ZNF560: variants seen among roughly 807,000 people sequenced by gnomAD.
ZNF560 encodes zinc finger protein 560.
A neutral mutation model predicts 81.8 loss-of-function variants in ZNF560; 54 were observed. The ratio of observed to expected loss-of-function variants is 0.66; its 90% CI spans 0.53 to 0.83. The LOEUF (loss-of-function observed/expected upper bound fraction) is 0.83, where lower values mean the gene tolerates loss of function less well. Ranked by LOEUF, ZNF560 falls within the 40% of genes least tolerant of loss-of-function variation. The probability of loss-of-function intolerance (pLI) is 0.00; values close to 1 mark genes in which losing one functional copy is unlikely to be tolerated. For missense variants in ZNF560, 940 were observed against 932.4 expected, an observed-to-expected ratio of 1.01 and a Z score of -0.11; for synonymous variants, 321 against 317.9, an observed-to-expected ratio of 1.01 and a Z score of -0.10.
the ZNF560 span, among the ~76,000 whole-genome samples, chr19:9,456,638 C>T: frequency 5.9e-5 from 9 of 152,128 alleles, no homozygotes; most frequent in East Asian, 1.9e-4. Flanking sequence ...CATCACTGGC[C>T]GTCTGCATGG....
intron 2 of ZNF560, among the ~76,000 whole-genome samples, chr19:9,479,144 G>A (rs1398756148): frequency 1.3e-5 from 2 of 151,246 alleles, no homozygotes; most frequent in Non-Finnish European, 2.9e-5. Context: ...CCAAGATCAT[G>A]CCACTATACT....
chr19:9,471,415 T>TA lies in ZNF560; in HGVS notation c.239-38_239-37insT, dbSNP rs559659192. ...ACATAAACTGAGGTTTTTTTTTTTT[T>TA]TAAAAAAAAAGGTAAAATGAAAGAG... On this transcript the variant is annotated intron_variant, in intron 5 of 9. Coordinates refer to ENST00000301480, the MANE Select transcript of ZNF560 (RefSeq NM_152476.3). 9,396 of 1,251,278 alleles carry TA rather than the reference T, an allele frequency of 7.5e-3. 21 individuals carry two copies. The highest frequency in any genetic ancestry group is 8.5e-3 in the Non-Finnish European group (7,813 of 923,484). The allele number at this position is 1,251,278 out of a possible 1,614,324, so 77.5% of individuals were successfully genotyped here.
the ZNF560 span, among the ~76,000 whole-genome samples, chr19:9,451,611 A>T: frequency 3.9e-5 from 6 of 152,236 alleles, no homozygotes; most frequent in Non-Finnish European, 7.3e-5. Context: ...ACAAAAATTG[A>T]TAAGTAGGAC....
At chr19:9,486,601 G>A (rs956884136) in intron 2 of ZNF560, among the ~76,000 whole-genome samples, 30 of 152,114 alleles carry the variant, frequency 2.0e-4, no homozygotes, top group African/African-American at 6.5e-4. Flanking sequence ...TGAGCCAAGC[G>A]TGGTGGCAGG....
At chr19:9,446,365 T>TACACACACACAC in the ZNF560 span, among the ~76,000 whole-genome samples, 927 of 145,220 alleles carry the variant, frequency 6.4e-3, 8 homozygotes, top group Admixed American at 0.018. Context: ...TGCCAAGTCA[T>TACACACACACAC]ACACACACAC....
rs139159517 is a variant in ZNF560 at position 9,468,089 on chromosome 19, A to G, written c.858T>C (p.Cys286=). 48 of 1,614,054 alleles carry G rather than the reference A, an allele frequency of 3.0e-5. No individual in the cohort carries two copies. In the African/African-American group the frequency reaches 6.0e-4, roughly 20 times the overall value. The part of the protein sequence containing the change: ...LILNVQVQRK[C]TQDKSFEGTD... ...TGCCTTCAAAGGATTTATCTTGTGT[A>G]CACTTTCTCTGGACCTGAACATTTA... Residue 286 remains cysteine (C), a synonymous_variant, in exon 10 of 10, where the codon TGT becomes TGC. Transcript: ENST00000301480.
At chr19:9,487,780 G>T (rs1380228708) in intron 2 of ZNF560, among the ~76,000 whole-genome samples, 2 of 152,182 alleles carry the variant, frequency 1.3e-5, no homozygotes, top group Non-Finnish European at 2.9e-5. Flanking sequence ...TATCATCCTT[G>T]TACATCTGGT....
Position 9,497,490 on chromosome 19 carries a change from G to A in ZNF560, c.-57+638C>T, listed in dbSNP as rs1274087893. ...GCAGAGGTTGCAGTGAGGCGAGATC[G>A]CGCCACTGCACTCCAGCCTGGGCGA... On this transcript the variant is annotated intron_variant, in intron 2 of 9. Transcript: ENST00000301480. 4.4e-5 allele frequency among the ~76,000 whole-genome samples: 6 copies of A among 136,686 alleles called. No individual in the cohort carries two copies. The South Asian group carries it at 1.4e-3, about 32-fold the overall frequency. The allele number at this position is 136,686 out of a possible 152,430, so 89.7% of individuals were successfully genotyped here. A position where few individuals can be genotyped will look rare whatever the true frequency, so the allele number is the denominator to read the frequency against.
rs375420408 is a variant in ZNF560, at chr19:9,471,279, C to T, written c.321+17G>A. The T allele has an allele frequency of 6.5e-7, 1 of 1,539,504 alleles. No homozygotes were observed. ...CTCTGAGTGTGAAAAATAAGAAATACCCTTTCTTAACATTACCATTTGTAT... is the reference window on the plus strand; with the variant it reads ...CTCTGAGTGTGAAAAATAAGAAATATCCTTTCTTAACATTACCATTTGTAT... On this transcript the variant is annotated intron_variant, in intron 6 of 9. Transcript: ENST00000301480.
intron 5 of ZNF560, 27 bp downstream of exon 5, chr19:9,473,152 C>G: frequency 1.3e-6 from 2 of 1,596,908 alleles, no homozygotes; most frequent in Admixed American, 1.7e-5. Flanking sequence ...TTCTCACTGA[C>G]CAAGGTTGTT....
chr19:9,472,057 C>T (rs1012502919), intron 5 of ZNF560, among the ~76,000 whole-genome samples: 5 of 151,642 alleles, frequency 3.3e-5, no homozygotes, highest in African/African-American at 1.2e-4. Flanking sequence ...TTGCGGTGAG[C>T]CAAGATCGTG....
In ZNF560 at chr19:9,467,482, C is replaced by A. The variant is rs930184009; in HGVS notation, c.1465G>T (p.Asp489Tyr). 22 of 1,613,904 alleles carry A rather than the reference C, an allele frequency of 1.4e-5. No individual in the cohort carries two copies. Among genetic ancestry groups the A allele is most frequent in the Non-Finnish European group, 1.8e-5 (21 of 1,180,008 alleles). The change falls in exon 10 of 10, where the codon GAT becomes TAT. Residue 489 changes from aspartate to tyrosine, a missense_variant. Asp to Tyr is a radical substitution (Grantham distance 160). Transcript: ENST00000301480. Reference protein sequence around the residue: ...RRSNTGQKRFDCDQCGKVFVS... With the variant: ...RRSNTGQKRFYCDQCGKVFVS... ...AAGACTTTCCCACACTGGTCACAATCAAAGCGTTTCTGTCCTGTGTTACTT... is the reference window on the plus strand; with the variant it reads ...AAGACTTTCCCACACTGGTCACAATAAAAGCGTTTCTGTCCTGTGTTACTT...
At chr19:9,446,216 AT>A in the ZNF560 span, among the ~76,000 whole-genome samples, 7,728 of 151,268 alleles carry the variant, frequency 0.051, 679 homozygotes, top group African/African-American at 0.18. Context: ...TTGAACGCTG[AT>A]TTTTTTTTCC....
the ZNF560 span, among the ~76,000 whole-genome samples, chr19:9,449,296 A>T: frequency 1.3e-5 from 2 of 152,132 alleles, no homozygotes; most frequent in South Asian, 4.1e-4. Flanking sequence ...TACCAACCAT[A>T]CTCTCAGACC....
At chr19:9,453,778 G>C in the ZNF560 span, among the ~76,000 whole-genome samples, 2 of 152,180 alleles carry the variant, frequency 1.3e-5, no homozygotes, top group Admixed American at 1.3e-4. Context: ...AGATTCAGCT[G>C]ATTCTGCCAG....
At chr19:9,503,572 T>C (rs888037552), upstream of ZNF560, among the ~76,000 whole-genome samples, 6 of 152,200 alleles carry the variant, frequency 3.9e-5, no homozygotes, top group Admixed American at 3.9e-4. Context: ...TCTTGCTCTC[T>C]TGGGCAGGCT....
Position 9,469,685 on chromosome 19 carries a change from C to T in ZNF560, c.474G>A (p.Leu158=), listed in dbSNP as rs1599651392. ...SVGYQLFKPS[L]ISWLEEEEEL... The stretch of plus-strand genomic sequence containing the variant: ...CTTCCTCTTCCTCCAGCCAAGAGAT[C>T]AGACTGGGTTTGAAGAGCTGGTAAC... Residue 158 remains leucine (L), a synonymous_variant, in exon 8 of 10, where the codon CTG becomes CTA. Coordinates refer to ENST00000301480, the MANE Select transcript of ZNF560 (RefSeq NM_152476.3). 6.2e-7 allele frequency: 1 copy of T among 1,614,170 alleles called. No individual in the cohort carries two copies. The highest frequency in any genetic ancestry group is 2.2e-5 in the East Asian group (1 of 44,882).
At chr19:9,491,846 CAG>C (rs2073479723) in intron 2 of ZNF560, among the ~76,000 whole-genome samples, 1 of 105,908 alleles carries the variant, frequency 9.4e-6, no homozygotes, top group Non-Finnish European at 1.8e-5. Flanking sequence ...AAAAAAAAAA[CAG>C]GGATAAAGGC....
chr19:9,503,984 C>T, the ZNF560 span, among the ~76,000 whole-genome samples: 1 of 152,160 alleles, frequency 6.6e-6, no homozygotes, highest in Non-Finnish European at 1.5e-5. Flanking sequence ...GTGGTAAAAA[C>T]AGGTGCCTTG....
Sources: allele counts gnomAD v4.1 joint callset (sites outside exome capture counted in the v4.1 genomes callset), GRCh38; gene constraint gnomAD v4.1.1; transcripts MANE v1.5; gene names NCBI Gene and HGNC (gene_info 2026-07-23, HGNC 2026-07-21).